Variants in RXRG observed in about 807,000 individuals in gnomAD.
RXRG encodes retinoic acid receptor RXR-gamma.
In RXRG, 19 loss-of-function variants were observed where a neutral mutation model predicts 49.2. That is an observed-to-expected ratio of 0.39 (90% CI 0.27 to 0.57). The LOEUF is 0.57. Ranked by LOEUF, RXRG falls within the 20% of genes least tolerant of loss-of-function variation. The pLI, the probability that RXRG is intolerant of heterozygous loss-of-function variation, is 0.64. For missense variants in RXRG, 452 were observed against 592.5 expected, an observed-to-expected ratio of 0.76 and a Z score of 2.46; for synonymous variants, 224 against 216.6, an observed-to-expected ratio of 1.03 and a Z score of -0.30.
In RXRG at chr1:165,425,005, A is replaced by G. The variant is rs569362473; in HGVS notation, c.297+3714T>C. 1.2e-5 allele frequency: 12 copies of G among 979,430 alleles called. No homozygotes were observed. The African/African-American group carries it at 1.6e-4, about 13-fold the overall frequency. The allele number at this position is 979,430 out of a possible 1,614,324, so 60.7% of individuals were successfully genotyped here. ...CTGCTGAGCTTCCCCAGCACTTGGC[A>G]AGCTTAATATAGCTCCCCAAAGCCA... On this transcript the variant is annotated intron_variant, in intron 2 of 9. Transcript: ENST00000359842.
chr1:165,417,777 A>C (rs1444505787), intron 3 of RXRG, among the ~76,000 whole-genome samples: 1 of 152,178 alleles, frequency 6.6e-6, no homozygotes, highest in East Asian at 1.9e-4. Context: ...TCATCATATG[A>C]CAATCAAGCT....
chr1:165,438,054 G>A (rs756477393), intron 1 of RXRG, among the ~76,000 whole-genome samples: 52 of 152,236 alleles, frequency 3.4e-4, no homozygotes, highest in Non-Finnish European at 5.4e-4. Context: ...AATAATTTCC[G>A]CCTTACGGAC....
intron 2 of RXRG, among the ~76,000 whole-genome samples, chr1:165,425,230 A>T (rs1315447231): frequency 6.6e-6 from 1 of 152,200 alleles, no homozygotes; most frequent in Non-Finnish European, 1.5e-5. Context: ...CCTCAGAGGG[A>T]TGGTGCCTTG....
At position 165,444,993 on chromosome 1, in the gene RXRG, C is replaced by T. The variant is rs1659116147; in HGVS notation, c.-100G>A. 2.7e-6 allele frequency: 3 copies of T among 1,110,512 alleles called. 1 individual carries two copies. The South Asian group carries it at 3.8e-5, about 14-fold the overall frequency. 68.8% of individuals were successfully genotyped at this position (1,110,512 alleles called of 1,614,324 possible). ...CCCGGCTTTCTTCAACTTGGGCTAACAAGAGTGGTCATCGCTTCCTAGCAG... is the reference window on the plus strand; with the variant it reads ...CCCGGCTTTCTTCAACTTGGGCTAATAAGAGTGGTCATCGCTTCCTAGCAG... On this transcript the variant is annotated 5_prime_UTR_variant, in exon 1 of 10. Coordinates refer to ENST00000359842, the MANE Select transcript of RXRG (RefSeq NM_006917.5).
rs555910067 is a variant in RXRG at position 165,424,932 on chromosome 1, C to T, written c.297+3787G>A. 4.5e-5 allele frequency: 44 copies of T among 985,536 alleles called. No homozygotes were observed. In the South Asian group the frequency reaches 1.8e-3, roughly 40 times the overall value. 61.0% of individuals were successfully genotyped at this position (985,536 alleles called of 1,614,324 possible). On this transcript the variant is annotated intron_variant, in intron 2 of 9. Coordinates refer to ENST00000359842, the MANE Select transcript of RXRG (RefSeq NM_006917.5). ...TCGTTAACCGAGCAAAGCATTGCTG[C>T]AGTGTGGTTCCGGAGCCCAAGCCCA... is the stretch of plus-strand genomic sequence containing the variant.
At chr1:165,431,469 G>T (rs1658673022) in intron 1 of RXRG, among the ~76,000 whole-genome samples, 3 of 152,192 alleles carry the variant, frequency 2.0e-5, no homozygotes, top group Admixed American at 6.5e-5. Flanking sequence ...TGACAGGTGA[G>T]TTAGGCGCCA....
intron 1 of RXRG, among the ~76,000 whole-genome samples, chr1:165,441,597 G>T (rs998497877): frequency 6.6e-6 from 1 of 152,222 alleles, no homozygotes; most frequent in South Asian, 2.1e-4. Flanking sequence ...AGGATTACAT[G>T]AGCCGAGGCT....
Position 165,411,071 on chromosome 1 carries a change from C to T in RXRG, c.661G>A (p.Glu221Lys). The change falls in exon 5 of 10, where the codon GAG (glutamate) becomes AAG (lysine). Residue 221 changes from glutamate to lysine, a missense_variant. Glu to Lys is a moderately conservative substitution (Grantham distance 56). Coordinates refer to ENST00000359842, the MANE Select transcript of RXRG (RefSeq NM_006917.5). ...CTGGTAGCACATTCTGCCTCACTCTCAGCTCGCTCTCGGCTCCTCTGTCTT... is the reference window on the plus strand; with the variant it reads ...CTGGTAGCACATTCTGCCTCACTCTTAGCTCGCTCTCGGCTCCTCTGTCTT... Reference protein sequence around the residue: ...EERQRSRERAESEAECATSGH... With the variant: ...EERQRSRERAKSEAECATSGH... 2 of 1,614,146 alleles carry T rather than the reference C, an allele frequency of 1.2e-6. No individual in the cohort carries two copies. Among genetic ancestry groups the T allele is most frequent in the African/African-American group, 2.7e-5 (2 of 75,060 alleles).
At chr1:165,410,469 C>A (rs767859690) in intron 6 of RXRG, among the ~76,000 whole-genome samples, 3 of 152,140 alleles carry the variant, frequency 2.0e-5, no homozygotes, top group Non-Finnish European at 4.4e-5. Context: ...ATTTAATAGT[C>A]TTTTTAAAAT....
chr1:165,402,574 C>T (rs537514846), intron 9 of RXRG, among the ~76,000 whole-genome samples: 93 of 152,100 alleles, frequency 6.1e-4, no homozygotes, highest in Non-Finnish European at 1.1e-3. Flanking sequence ...CCCATGTGCC[C>T]GCACACACAT....
chr1:165,414,240 A>C (rs1211791016), intron 4 of RXRG, among the ~76,000 whole-genome samples: 1 of 152,184 alleles, frequency 6.6e-6, no homozygotes, highest in Non-Finnish European at 1.5e-5. Context: ...TCAGCTTTTC[A>C]CTATTCTTTC....
At chr1:165,433,035 G>A (rs1571285866) in intron 1 of RXRG, among the ~76,000 whole-genome samples, 1 of 152,164 alleles carries the variant, frequency 6.6e-6, no homozygotes. Context: ...ACTTATAAGA[G>A]AGGACTTCAG....
At chr1:165,420,175 G>A (rs1272208796) in intron 2 of RXRG, among the ~76,000 whole-genome samples, 161 bp from the exon 3 acceptor site, 1 of 152,208 alleles carries the variant, frequency 6.6e-6, no homozygotes, top group Non-Finnish European at 1.5e-5. Context: ...ATGAACTTAA[G>A]GGAGGGATAA....
In RXRG at chr1:165,401,376, G is replaced by A. The variant is rs1657559814; in HGVS notation, c.1279C>T (p.Arg427Cys). The change falls in exon 10 of 10, where the codon CGT becomes TGT. Residue 427 changes from arginine (R) to cysteine (C), a missense_variant. By Grantham distance (180) the Arg-to-Cys change is radical. This residue lies in a region of RXRG where 286 missense variants were observed against 440.9 expected (regional missense o/e 0.65). Coordinates refer to ENST00000359842, the MANE Select transcript of RXRG (RefSeq NM_006917.5). Reference protein sequence around the residue: ...AKLLLRLPALRSIGLKCLEHL... With the variant: ...AKLLLRLPALCSIGLKCLEHL... ...TCCAGGCATTTCAAGCCAATGGAAC[G>A]CAGAGCTGGGAGGCGCAGCAGCAGC... The A allele has an allele frequency of 1.9e-6, 3 of 1,614,196 alleles. No individual in the cohort carries two copies. Among genetic ancestry groups the A allele is most frequent in the Non-Finnish European group, 2.5e-6 (3 of 1,180,036 alleles).
chr1:165,442,411 G>A (rs967775827), intron 1 of RXRG, among the ~76,000 whole-genome samples: 14 of 152,194 alleles, frequency 9.2e-5, no homozygotes, highest in African/African-American at 2.9e-4. Context: ...AAGAAAAGTA[G>A]CTTTACAGGA....
chr1:165,433,043 C>T (rs1005233658), intron 1 of RXRG, among the ~76,000 whole-genome samples: 4 of 152,134 alleles, frequency 2.6e-5, no homozygotes, highest in African/African-American at 9.7e-5. Context: ...GAGAGGACTT[C>T]AGTGAACTAC....
chr1:165,428,888 GGGT>G lies in RXRG; in HGVS notation c.125_127del (p.His42del). The G allele has an allele frequency of 6.2e-7, 1 of 1,614,054 alleles. No homozygotes were observed. Among genetic ancestry groups the G allele is most frequent in the Non-Finnish European group, 8.5e-7 (1 of 1,179,992 alleles). ...ACTCACTGGGGTATCTGTGTAGCTG[GGGT>G]GGCTGTCCATTGGCTTCCCTGTGGA... is the stretch of plus-strand genomic sequence containing the variant. On this transcript the variant is annotated inframe_deletion, in exon 2 of 10. Transcript: ENST00000359842.
intron 1 of RXRG, chr1:165,437,087 C>T: frequency 7.5e-7 from 1 of 1,340,642 alleles, no homozygotes; most frequent in South Asian, 1.2e-5. Flanking sequence ...TTTCATTTTA[C>T]TGGTCACTAG....
In RXRG at chr1:165,444,845, C is replaced by G. The variant is rs1219393674; in HGVS notation, c.49G>C (p.Gly17Arg). 4 of 1,614,002 alleles carry G rather than the reference C, an allele frequency of 2.5e-6. No homozygotes were observed. In the South Asian group the frequency reaches 3.3e-5, roughly 13 times the overall value. ...HFMKFPAGYG[G>R]SPGHTGSTSM... Reference sequence around the variant, plus strand: ...AGTGAAGCCCAAGGGAGATACTTACCTCCATAGCCTGCGGGAAACTTCATG... The same window carrying G: ...AGTGAAGCCCAAGGGAGATACTTACGTCCATAGCCTGCGGGAAACTTCATG... The change falls in exon 1 of 10, where the codon GGC becomes CGC. Residue 17 changes from glycine (G) to arginine (R), a missense_variant and splice_region_variant. By Grantham distance (125) the Gly-to-Arg change is moderately radical (BLOSUM62 -2). This residue lies in a region of RXRG where 166 missense variants were observed against 151.7 expected (regional missense o/e 1.09). Transcript: ENST00000359842.
Sources: gnomAD v4.1 joint callset for allele counts (sites outside exome capture counted in the v4.1 genomes callset) on GRCh38, gnomAD v4.1.1 for gene constraint, gnomAD v4.1.1 regional missense constraint, MANE v1.5 for transcripts, NCBI Gene and HGNC (gene_info 2026-07-23, HGNC 2026-07-21) for gene names.